STPG2: variants seen among roughly 807,000 people sequenced by gnomAD.
The protein encoded by STPG2 is sperm-tail PG-rich repeat-containing protein 2.
A neutral mutation model predicts 54.2 loss-of-function variants in STPG2; 56 were observed. The observed-to-expected ratio is 1.03, with a 90% CI of 0.83 to 1.29. The LOEUF is 1.29. Ranked by LOEUF, STPG2 falls within the 50% of genes most tolerant of loss-of-function variation. The probability of loss-of-function intolerance (pLI) is 0.00; values close to 1 mark genes in which losing one functional copy is unlikely to be tolerated. For synonymous variants in STPG2, 200 were observed against 181.8 expected (o/e 1.10, Z -0.81); for missense variants, 596 against 544.9 (o/e 1.09, Z -0.93).
intron 8 of STPG2, among the ~76,000 whole-genome samples, chr4:97,900,306 C>T (rs1320043094): frequency 6.6e-6 from 1 of 151,896 alleles, no homozygotes; most frequent in Non-Finnish European, 1.5e-5. Context: ...AAAAGAAATG[C>T]TAATATACTG....
chr4:97,932,208 T>G (rs1360549516), intron 8 of STPG2, among the ~76,000 whole-genome samples: 1 of 152,220 alleles, frequency 6.6e-6, no homozygotes, highest in East Asian at 1.9e-4. Flanking sequence ...TTCTTTGATC[T>G]TTTGAATGTT....
intron 10 of STPG2, among the ~76,000 whole-genome samples, chr4:97,595,774 A>G (rs1038086771): frequency 6.6e-6 from 1 of 152,176 alleles, no homozygotes; most frequent in African/African-American, 2.4e-5. Flanking sequence ...GGAGGTGCTC[A>G]GTATAAAAAT....
intron 5 of STPG2, among the ~76,000 whole-genome samples, chr4:98,045,264 C>A (rs572311381): frequency 6.6e-6 from 1 of 152,264 alleles, no homozygotes; most frequent in South Asian, 2.1e-4. Flanking sequence ...AGGACTAGAA[C>A]CTCCACTGCA....
At chr4:97,534,213 G>A (rs959817704) in intron 4 of STPG2, among the ~76,000 whole-genome samples, 1 of 151,834 alleles carries the variant, frequency 6.6e-6, no homozygotes, top group Admixed American at 6.6e-5. Flanking sequence ...TTTTTATATT[G>A]TTTATTGGTC....
At chr4:97,451,464 A>C (rs2148798321) in intron 4 of STPG2, among the ~76,000 whole-genome samples, 1 of 152,240 alleles carries the variant, frequency 6.6e-6, no homozygotes, top group South Asian at 2.1e-4. Context: ...CTTTTTAAGA[A>C]GTTTAGTTTC....
chr4:97,810,476 AAAG>A (rs1727702359), intron 9 of STPG2, among the ~76,000 whole-genome samples: 2 of 151,700 alleles, frequency 1.3e-5, no homozygotes, highest in Non-Finnish European at 2.9e-5. Context: ...AAAAAAAAAA[AAAG>A]AAAGCAATGC....
chr4:97,738,240 C>T (rs1053650981), intron 9 of STPG2, among the ~76,000 whole-genome samples: 4 of 152,126 alleles, frequency 2.6e-5, no homozygotes, highest in Non-Finnish European at 5.9e-5. Flanking sequence ...ACAATGGGTA[C>T]CAGCCACTGC....
At chr4:97,710,057 G>A (rs1437629751) in intron 10 of STPG2, among the ~76,000 whole-genome samples, 1 of 151,906 alleles carries the variant, frequency 6.6e-6, no homozygotes, top group Non-Finnish European at 1.5e-5. Context: ...AATATTGAGA[G>A]TTCTCAGTTG....
At chr4:97,850,386 AC>A (rs1343217350) in intron 8 of STPG2, among the ~76,000 whole-genome samples, 1 of 151,424 alleles carries the variant, frequency 6.6e-6, no homozygotes. Context: ...GAAAAAGAAA[AC>A]TTAATGTATA....
chr4:97,442,826 T>A (rs933451516), intron 4 of STPG2, among the ~76,000 whole-genome samples: 1 of 152,312 alleles, frequency 6.6e-6, no homozygotes, highest in Admixed American at 6.5e-5. Flanking sequence ...GCAAGTAAGT[T>A]TAATAAATAT....
chr4:97,884,769 T>C (rs1053163814), intron 8 of STPG2, among the ~76,000 whole-genome samples: 4 of 151,848 alleles, frequency 2.6e-5, no homozygotes, highest in Non-Finnish European at 5.9e-5. Flanking sequence ...AGCTAAGAAA[T>C]TATAGAAAAG....
chr4:98,014,443 G>C (rs1478255621), intron 5 of STPG2, among the ~76,000 whole-genome samples: 1 of 152,114 alleles, frequency 6.6e-6, no homozygotes, highest in East Asian at 1.9e-4. Flanking sequence ...CCTGATGACA[G>C]AACCTGGATA....
At chr4:97,619,643 T>C (rs1733960186) in intron 10 of STPG2, among the ~76,000 whole-genome samples, 1 of 150,900 alleles carries the variant, frequency 6.6e-6, no homozygotes, top group South Asian at 2.1e-4. Context: ...CCCCATGCCC[T>C]CCACTCAACA....
chr4:97,585,675 T>C (rs1254555660), intron 10 of STPG2, among the ~76,000 whole-genome samples: 1 of 151,920 alleles, frequency 6.6e-6, no homozygotes, highest in Non-Finnish European at 1.5e-5. Context: ...AGAATGCTCA[T>C]GGCCTAGTCC....
At chr4:97,652,460 C>A (rs1722098341) in intron 10 of STPG2, among the ~76,000 whole-genome samples, 1 of 151,364 alleles carries the variant, frequency 6.6e-6, no homozygotes, top group Non-Finnish European at 1.5e-5. Context: ...AGTATATGTT[C>A]TTACAAAAAA....
chr4:97,504,013 A>C (rs1730791192), intron 4 of STPG2, among the ~76,000 whole-genome samples: 1 of 144,480 alleles, frequency 6.9e-6, no homozygotes, highest in Non-Finnish European at 1.5e-5. Flanking sequence ...TTTCATATTC[A>C]TATAAACATA....
chr4:97,917,664 C>T (rs1731934910), intron 8 of STPG2, among the ~76,000 whole-genome samples: 1 of 152,026 alleles, frequency 6.6e-6, no homozygotes, highest in South Asian at 2.1e-4. Context: ...ATCTTAAAAG[C>T]TATCTTGATA....
chr4:97,762,473 G>C (rs1218935249), intron 9 of STPG2, among the ~76,000 whole-genome samples: 1 of 152,106 alleles, frequency 6.6e-6, no homozygotes, highest in Non-Finnish European at 1.5e-5. Flanking sequence ...TGGCCTAACA[G>C]GATGCTTCCT....
At chr4:98,079,536 A>C (rs10014986) in intron 5 of STPG2, among the ~76,000 whole-genome samples, 60,193 of 151,924 alleles carry the variant, frequency 0.4, 12,161 homozygotes, top group Middle Eastern at 0.46. Flanking sequence ...CCTACCAAGA[A>C]ATTCTTTTCA....
Sources: allele counts gnomAD v4.1 joint callset (sites outside exome capture counted in the v4.1 genomes callset), GRCh38; gene constraint gnomAD v4.1.1; transcripts MANE v1.5; gene names NCBI Gene and HGNC (gene_info 2026-07-23, HGNC 2026-07-21).